ROR1: variants seen among roughly 807,000 people sequenced by gnomAD.
The protein encoded by ROR1 is ROR family WNT receptor 1, also known as inactive tyrosine-protein kinase transmembrane receptor ROR1.
ROR1 carries 19 observed loss-of-function variants against 78.8 expected under a neutral mutation model. The ratio of observed to expected loss-of-function variants is 0.24; its 90% confidence interval spans 0.17 to 0.35. The LOEUF (loss-of-function observed/expected upper bound fraction) is 0.35. ROR1 is among the 10% of genes least tolerant of loss of function. ROR1 has a pLI of 1.00. For synonymous variants in ROR1, 386 were observed against 433.6 expected, an observed-to-expected ratio of 0.89 and a Z score of 1.36; for missense variants, 917 against 1,177.8, an observed-to-expected ratio of 0.78 and a Z score of 3.24.
At chr1:63,790,468 T>A (rs1442604133) in intron 1 of ROR1, among the ~76,000 whole-genome samples, 1 of 152,198 alleles carries the variant, frequency 6.6e-6, no homozygotes, top group Non-Finnish European at 1.5e-5. Flanking sequence ...AGGAGAGCAA[T>A]GGGCAGCTCC....
chr1:63,810,232 G>A (rs1362494486), intron 1 of ROR1, among the ~76,000 whole-genome samples: 4 of 152,212 alleles, frequency 2.6e-5, no homozygotes, highest in Admixed American at 2.6e-4. Flanking sequence ...TTGATTTGGG[G>A]GAGGAATGTT....
intron 1 of ROR1, among the ~76,000 whole-genome samples, chr1:63,793,821 T>C (rs925747456): frequency 2.0e-5 from 3 of 152,186 alleles, no homozygotes; most frequent in Non-Finnish European, 4.4e-5. Flanking sequence ...GCTTTGTTTT[T>C]CCCAGTGCAG....
At chr1:64,043,155 C>T (rs879942258) in intron 2 of ROR1, among the ~76,000 whole-genome samples, 4 of 152,210 alleles carry the variant, frequency 2.6e-5, no homozygotes, top group Admixed American at 6.5e-5. Flanking sequence ...TAACACTTGG[C>T]CCCACCTTCC....
chr1:63,866,542 C>T (rs1416705977), intron 1 of ROR1, among the ~76,000 whole-genome samples: 2 of 152,176 alleles, frequency 1.3e-5, no homozygotes, highest in African/African-American at 2.4e-5. Flanking sequence ...GGCTGAATTT[C>T]CTCTTGTCAG....
chr1:64,007,580 T>G (rs2100540833), intron 1 of ROR1, among the ~76,000 whole-genome samples: 1 of 152,308 alleles, frequency 6.6e-6, no homozygotes, highest in East Asian at 1.9e-4. Context: ...TACTTCATAG[T>G]GTATTATGTC....
At chr1:64,033,168 G>T (rs965307792) in intron 2 of ROR1, among the ~76,000 whole-genome samples, 1 of 152,154 alleles carries the variant, frequency 6.6e-6, no homozygotes, top group Non-Finnish European at 1.5e-5. Context: ...AACGTCCTTG[G>T]TATAATCTGG....
At chr1:63,788,071 A>G (rs1644702856) in intron 1 of ROR1, among the ~76,000 whole-genome samples, 4 of 152,268 alleles carry the variant, frequency 2.6e-5, no homozygotes, top group African/African-American at 7.2e-5. Flanking sequence ...CAGCCTGCCA[A>G]TCTCTTTTCC....
At chr1:63,868,573 G>A (rs2100355674) in intron 1 of ROR1, among the ~76,000 whole-genome samples, 1 of 152,336 alleles carries the variant, frequency 6.6e-6, no homozygotes, top group African/African-American at 2.4e-5. Context: ...ACAGCGTCCT[G>A]GAAGGGTTGT....
chr1:64,009,346 T>C lies in ROR1; in HGVS notation c.133T>C (p.Ser45Pro). 5.6e-6 allele frequency: 9 copies of C among 1,613,812 alleles called. No homozygotes were observed. Among genetic ancestry groups the C allele is most frequent in the Non-Finnish European group, 7.6e-6 (9 of 1,179,774 alleles). ...SVSAELVPTSSWNISSELNKD... is the reference protein window; with the variant it reads ...SVSAELVPTSPWNISSELNKD... ...CAGTGCTGAATTAGTGCCTACCTCA[T>C]CATGGAACATCTCAAGTGAACTCAA... Residue 45 changes from serine (S) to proline (P), a missense_variant, in exon 2 of 9, where the codon TCA becomes CCA. Around this residue, in one of 3 missense-constraint regions of ROR1, gnomAD observed 63 missense variants for 57.0 expected, o/e 1.10. Transcript: ENST00000371079.
At chr1:63,860,590 CACACACACACACACAT>C (rs1553138068) in intron 1 of ROR1, among the ~76,000 whole-genome samples, 5 of 148,724 alleles carry the variant, frequency 3.4e-5, no homozygotes, top group East Asian at 3.9e-4. Flanking sequence ...CACACACACA[CACACACACACACACAT>C]ACACACACAC....
At chr1:64,031,937 A>G (rs1479694659) in intron 2 of ROR1, among the ~76,000 whole-genome samples, 1 of 151,988 alleles carries the variant, frequency 6.6e-6, no homozygotes, top group East Asian at 1.9e-4. Context: ...CAGAAGAAAG[A>G]TGACAACACT....
intron 1 of ROR1, among the ~76,000 whole-genome samples, chr1:63,993,858 T>C (rs757765783): frequency 6.6e-6 from 1 of 152,188 alleles, no homozygotes; most frequent in Non-Finnish European, 1.5e-5. Flanking sequence ...ATTTCATGTA[T>C]GTTTGAGGGC....
At chr1:63,808,990 A>C (rs561087690) in intron 1 of ROR1, among the ~76,000 whole-genome samples, 1 of 152,178 alleles carries the variant, frequency 6.6e-6, no homozygotes, top group African/African-American at 2.4e-5. Flanking sequence ...GGCTAGATGT[A>C]GTCATCTTGT....
chr1:63,950,691 C>G (rs1235101344), intron 1 of ROR1, among the ~76,000 whole-genome samples: 1 of 152,182 alleles, frequency 6.6e-6, no homozygotes, highest in Non-Finnish European at 1.5e-5. Flanking sequence ...GTTCCAAGGC[C>G]TCTGACAGAC....
In ROR1 at chr1:64,033,691, C is replaced by A. The variant is rs181663503; in HGVS notation, c.164-16000C>A. On this transcript the variant is annotated intron_variant, in intron 2 of 8. Transcript: ENST00000371079. ...CCTTATATAGAACTTCACTGTGCACCAGGTACTGTTCTAAGTACCTTAAGA... is the reference window on the plus strand; with the variant it reads ...CCTTATATAGAACTTCACTGTGCACAAGGTACTGTTCTAAGTACCTTAAGA... 2.9e-4 allele frequency among the ~76,000 whole-genome samples: 44 copies of A among 152,264 alleles called. 1 individual carries two copies. The highest frequency in any genetic ancestry group is 1.1e-3 in the African/African-American group (44 of 41,544).
intron 1 of ROR1, among the ~76,000 whole-genome samples, chr1:63,907,832 T>G (rs1219882346): frequency 2.0e-5 from 3 of 152,130 alleles, no homozygotes; most frequent in Non-Finnish European, 4.4e-5. Context: ...AGTGCCCAGG[T>G]GAGTTACTAG....
In ROR1 at chr1:64,001,716, G is replaced by A. The variant is rs543396941; in HGVS notation, c.92-7589G>A. ...CCAGCACCTTCCCACAGGTAGGGCG[G>A]CTCTCCCAGGCTCTAGTAAAGACTT... On this transcript the variant is annotated intron_variant, in intron 1 of 8. Coordinates refer to ENST00000371079, the MANE Select transcript of ROR1 (RefSeq NM_005012.4). 1.8e-3 allele frequency among the ~76,000 whole-genome samples: 267 copies of A among 152,154 alleles called. 2 individuals are homozygous for A. Among genetic ancestry groups the A allele is most frequent in the African/African-American group, 6.2e-3 (258 of 41,504 alleles).
chr1:63,905,863 T>C (rs1383049381), intron 1 of ROR1, among the ~76,000 whole-genome samples: 1 of 152,212 alleles, frequency 6.6e-6, no homozygotes, highest in Non-Finnish European at 1.5e-5. Flanking sequence ...TATAGCTCAA[T>C]TCCTCAAGTA....
Position 64,139,494 on chromosome 1 carries a change from C to A in ROR1, c.611-615C>A, listed in dbSNP as rs1302124918. 3.3e-5 allele frequency among the ~76,000 whole-genome samples: 5 copies of A among 152,094 alleles called. No homozygotes were observed. In the East Asian group the frequency reaches 9.6e-4, roughly 29 times the overall value. ...CTGGTGCGCTTTTTGTGCATCTTAC[C>A]CTACTAGTAAGAGATTAAGCTAAGG... On this transcript the variant is annotated intron_variant, in intron 5 of 8. Coordinates refer to ENST00000371079, the MANE Select transcript of ROR1 (RefSeq NM_005012.4).
Sources: gnomAD v4.1 joint callset for allele counts (sites outside exome capture counted in the v4.1 genomes callset) on GRCh38, gnomAD v4.1.1 for gene constraint, gnomAD v4.1.1 regional missense constraint, MANE v1.5 for transcripts, NCBI Gene and HGNC (gene_info 2026-07-23, HGNC 2026-07-21) for gene names.